The following LRRIQ1 variants were observed in gnomAD, a reference collection of about 807,000 sequenced individuals.
LRRIQ1 encodes the protein leucine rich repeats and IQ motif containing 1.
In LRRIQ1, 210 loss-of-function variants were observed where a neutral mutation model predicts 211.9. The ratio of observed to expected loss-of-function variants is 0.99; its 90% CI spans 0.89 to 1.11. The LOEUF is 1.11. Among genes scored for constraint, LRRIQ1 ranks in the 50% most tolerant of loss-of-function variants. The pLI, the probability that LRRIQ1 is intolerant of heterozygous loss-of-function variation, is 0.00. For missense variants in LRRIQ1, 2,136 were observed against 1,939.5 expected, an observed-to-expected ratio of 1.10 and a Z score of -1.90; for synonymous variants, 699 against 650.1, an observed-to-expected ratio of 1.08 and a Z score of -1.14.
intron 24 of LRRIQ1, among the ~76,000 whole-genome samples, chr12:85,217,508 A>G (rs10862963): frequency 0.04 from 2,545 of 64,238 alleles, 65 homozygotes; most frequent in Middle Eastern, 0.073. Flanking sequence ...ATATATATAT[A>G]TGTGTGTGTG....
At chr12:85,174,723 A>AAAAAAAAAAAAAAAAAAAAAC (rs1891602304) in intron 24 of LRRIQ1, among the ~76,000 whole-genome samples, 4 of 148,372 alleles carry the variant, frequency 2.7e-5, no homozygotes, top group Non-Finnish European at 4.5e-5. Context: ...AAAAAAAAAA[A>AAAAAAAAAAAAAAAAAAAAAC]TCTGAGATCC....
intron 3 of LRRIQ1, among the ~76,000 whole-genome samples, chr12:85,041,962 C>T (rs1232552462): frequency 6.6e-6 from 1 of 151,718 alleles, no homozygotes; most frequent in Admixed American, 6.6e-5. Flanking sequence ...AATTTTGTCC[C>T]GAACACCAGC....
At chr12:85,201,243 C>CTTT (rs752459984) in intron 24 of LRRIQ1, among the ~76,000 whole-genome samples, 1 of 110,396 alleles carries the variant, frequency 9.1e-6, no homozygotes. Flanking sequence ...TCTTTCTCTT[C>CTTT]TTTTTTTTTT....
In LRRIQ1 at chr12:85,244,884, A is replaced by C. The variant is rs955184774; in HGVS notation, c.5112A>C (p.Ala1704=). The C allele has an allele frequency of 1.9e-6, 3 of 1,611,694 alleles. No homozygotes were observed. The highest frequency in any genetic ancestry group is 3.3e-5 in the Admixed American group (2 of 59,742). Residue 1704 remains alanine (A), a synonymous_variant, in exon 27 of 27, where the codon GCA becomes GCC. Coordinates refer to ENST00000393217, the MANE Select transcript of LRRIQ1 (RefSeq NM_001079910.2). Reference sequence around the variant, plus strand: ...TGAACAGAGAAAAAAAAAATCAGGCACACAGACACTCAGCAGGATCTTCAA... The same window carrying C: ...TGAACAGAGAAAAAAAAAATCAGGCCCACAGACACTCAGCAGGATCTTCAA... ...LSVNREKKNQ[A]HRHSAGSSSK...
intron 11 of LRRIQ1, among the ~76,000 whole-genome samples, chr12:85,088,003 G>A (rs1215364187): frequency 1.3e-5 from 2 of 152,138 alleles, no homozygotes; most frequent in African/African-American, 4.8e-5. Context: ...CGGTGTTTTA[G>A]ATATGAAGTC....
intron 24 of LRRIQ1, among the ~76,000 whole-genome samples, chr12:85,167,337 G>T (rs1891201087): frequency 6.6e-6 from 1 of 152,146 alleles, no homozygotes; most frequent in Admixed American, 6.5e-5. Flanking sequence ...CGATCACAGA[G>T]TGAAGCCCCA....
At chr12:85,106,816 T>C (rs1886819007) in intron 15 of LRRIQ1, among the ~76,000 whole-genome samples, 1 of 152,196 alleles carries the variant, frequency 6.6e-6, no homozygotes, top group African/African-American at 2.4e-5. Flanking sequence ...ATGTGTGAAC[T>C]AATACAAAAT....
At chr12:85,269,408 ACAAT>A (rs1896488012), downstream of LRRIQ1, among the ~76,000 whole-genome samples, 1 of 152,188 alleles carries the variant, frequency 6.6e-6, no homozygotes, top group East Asian at 1.9e-4. Context: ...TGAAGCGATA[ACAAT>A]CAAGTTACCT....
chr12:85,176,761 T>A (rs905549189), intron 24 of LRRIQ1, among the ~76,000 whole-genome samples: 9 of 149,160 alleles, frequency 6.0e-5, no homozygotes, highest in African/African-American at 7.6e-5. Context: ...AAAAAAAATT[T>A]TAAAAAAAAT....
chr12:85,064,782 C>T (rs1476301831), intron 8 of LRRIQ1, among the ~76,000 whole-genome samples: 1 of 151,704 alleles, frequency 6.6e-6, no homozygotes, highest in Non-Finnish European at 1.5e-5. Context: ...ATTGAAGAGG[C>T]TGGCCTTTCT....
At chr12:85,183,113 G>A (rs1892064595) in intron 24 of LRRIQ1, among the ~76,000 whole-genome samples, 1 of 152,096 alleles carries the variant, frequency 6.6e-6, no homozygotes, top group Admixed American at 6.6e-5. Context: ...GTCCATCAAT[G>A]ACAGGATTCC....
At chr12:85,183,635 G>T (rs1006028146) in intron 24 of LRRIQ1, among the ~76,000 whole-genome samples, 1 of 152,024 alleles carries the variant, frequency 6.6e-6, no homozygotes, top group Non-Finnish European at 1.5e-5. Flanking sequence ...ATTTTATCCT[G>T]TATGGAAGTT....
chr12:85,092,790 C>A (rs571115144), intron 11 of LRRIQ1, among the ~76,000 whole-genome samples: 1 of 152,172 alleles, frequency 6.6e-6, no homozygotes, highest in Non-Finnish European at 1.5e-5. Context: ...CTTTATCAAA[C>A]GTGCCTGCGC....
intron 26 of LRRIQ1, among the ~76,000 whole-genome samples, chr12:85,235,185 C>A (rs1413889795): frequency 2.0e-5 from 3 of 152,106 alleles, no homozygotes; most frequent in African/African-American, 7.2e-5. Context: ...AAAATGGAAA[C>A]AAAATATCAT....
intron 13 of LRRIQ1, among the ~76,000 whole-genome samples, chr12:85,101,786 A>G (rs1424001997): frequency 1.3e-5 from 2 of 151,764 alleles, no homozygotes; most frequent in Non-Finnish European, 3.0e-5. Context: ...TACTTTCAAT[A>G]TTACAAAAAG....
At position 85,140,817 on chromosome 12, in the gene LRRIQ1, A is replaced by G. The variant is rs189196916; in HGVS notation, c.4329+2848A>G. Among the ~76,000 whole-genome samples the G allele has an allele frequency of 2.6e-3, 391 of 151,336 alleles. 4 individuals carry two copies. The highest frequency in any genetic ancestry group is 9.3e-3 in the African/African-American group (384 of 41,448). The stretch of plus-strand genomic sequence containing the variant: ...GCTGCTGCTGCTACTGATAATGATG[A>G]TGATGGTGACTTTATATGCAATTTG... On this transcript the variant is annotated intron_variant, in intron 19 of 26. Transcript: ENST00000393217.
chr12:85,265,163 C>T (rs1896394877), downstream of LRRIQ1, among the ~76,000 whole-genome samples: 1 of 151,958 alleles, frequency 6.6e-6, no homozygotes, highest in Non-Finnish European at 1.5e-5. Context: ...TAACATTAAA[C>T]ATTTATGATA....
chr12:85,209,675 G>A (rs775869645), intron 24 of LRRIQ1, among the ~76,000 whole-genome samples: 1 of 152,114 alleles, frequency 6.6e-6, no homozygotes, highest in Non-Finnish European at 1.5e-5. Context: ...CTAAGAAATT[G>A]ATGCCTAAGA....
At chr12:85,255,423 C>T (rs1896059384) in intron 1 of LRRIQ1, among the ~76,000 whole-genome samples, 2 of 151,598 alleles carry the variant, frequency 1.3e-5, no homozygotes, top group Admixed American at 1.3e-4. Flanking sequence ...AACTTCAATC[C>T]CACTCTAGAT....
Sources: gnomAD v4.1 joint callset for allele counts (sites outside exome capture counted in the v4.1 genomes callset) on GRCh38, gnomAD v4.1.1 for gene constraint, MANE v1.5 for transcripts, NCBI Gene and HGNC (gene_info 2026-07-23, HGNC 2026-07-21) for gene names.